SPTBN1: variants seen among roughly 807,000 people sequenced by gnomAD.
The protein encoded by SPTBN1 is spectrin beta chain, non-erythrocytic 1.
Under a neutral mutation model 266.4 loss-of-function variants are expected in SPTBN1, and 32 were observed. The ratio of observed to expected loss-of-function variants is 0.12; its 90% confidence interval spans 0.09 to 0.16. The LOEUF (loss-of-function observed/expected upper bound fraction) is 0.16. SPTBN1 is among the 10% of genes least tolerant of loss of function. The pLI, the probability that SPTBN1 is intolerant of heterozygous loss-of-function variation, is 1.00. For missense variants in SPTBN1, 2,296 were observed against 3,067.1 expected (o/e 0.75, Z 5.94); for synonymous variants, 1,336 against 1,162.2 (o/e 1.15, Z -3.04).
intron 2 of SPTBN1, among the ~76,000 whole-genome samples, chr2:54,534,167 C>T (rs1243174998): frequency 1.3e-5 from 2 of 152,308 alleles, no homozygotes; most frequent in East Asian, 1.9e-4. Flanking sequence ...CGCCTGGACT[C>T]ATTGTCTAAA....
intron 24 of SPTBN1, 47 bp downstream of exon 24, chr2:54,647,308 A>C (rs369395560): frequency 1.9e-6 from 3 of 1,600,302 alleles, no homozygotes; most frequent in Non-Finnish European, 2.6e-6. Context: ...GATTCCTCTC[A>C]GTTAGGGTCT....
intron 30 of SPTBN1, among the ~76,000 whole-genome samples, chr2:54,658,881 G>A (rs1159375889): frequency 6.6e-6 from 1 of 152,172 alleles, no homozygotes; most frequent in Admixed American, 6.5e-5. Flanking sequence ...GAGTTGCATA[G>A]TTACTTTAGA....
intron 1 of SPTBN1, among the ~76,000 whole-genome samples, chr2:54,495,160 T>C (rs925434556): frequency 4.0e-5 from 6 of 151,816 alleles, no homozygotes; most frequent in African/African-American, 1.2e-4. Context: ...CTGAGAATCA[T>C]AGGAGGTTGC....
chr2:54,497,680 C>G (rs964593482), intron 1 of SPTBN1, among the ~76,000 whole-genome samples: 2 of 152,122 alleles, frequency 1.3e-5, no homozygotes, highest in African/African-American at 4.8e-5. Flanking sequence ...GTCCTCCAAG[C>G]CATAGAATTT....
rs1670520974 is a variant in SPTBN1, at chr2:54,522,658, A to AGAGG, written c.-47-3714_-47-3713insGAGG. On this transcript the variant is annotated intron_variant, in intron 1 of 35. Coordinates refer to ENST00000356805, the MANE Select transcript of SPTBN1 (RefSeq NM_003128.3). ...AAAGAAAGAAAGAAAGAGAGAGAGA[A>AGAGG]AGAGAGAGAGAGAGAGAGAGGAGAG... 4.9e-5 allele frequency among the ~76,000 whole-genome samples: 4 copies of AGAGG among 81,852 alleles called. No homozygotes were observed. In the South Asian group the frequency reaches 1.7e-3, roughly 35 times the overall value. 53.7% of individuals were successfully genotyped at this position (81,852 alleles called of 152,430 possible).
chr2:54,638,069 T>C (rs1679272707), intron 18 of SPTBN1, among the ~76,000 whole-genome samples: 1 of 152,246 alleles, frequency 6.6e-6, no homozygotes, highest in South Asian at 2.1e-4. Flanking sequence ...ACAATGTCTT[T>C]ATGGTTGGTT....
chr2:54,620,924 G>C (rs1370582231), intron 7 of SPTBN1, among the ~76,000 whole-genome samples: 1 of 152,180 alleles, frequency 6.6e-6, no homozygotes, highest in African/African-American at 2.4e-5. Flanking sequence ...GGGAAAGCTG[G>C]TGGAGGGAGC....
intron 2 of SPTBN1, among the ~76,000 whole-genome samples, chr2:54,551,519 A>G (rs1672564145): frequency 6.6e-6 from 1 of 152,246 alleles, no homozygotes; most frequent in Non-Finnish European, 1.5e-5. Context: ...AGAAGATTCA[A>G]TAAACTACAT....
chr2:54,654,593 C>T (rs1454292475), intron 27 of SPTBN1, among the ~76,000 whole-genome samples: 1 of 152,080 alleles, frequency 6.6e-6, no homozygotes, highest in Non-Finnish European at 1.5e-5. Context: ...TAGGCTAGTT[C>T]CCATCCTGTG....
Position 54,652,455 on chromosome 2 carries a change from G to A in SPTBN1, c.5578-1154G>A, listed in dbSNP as rs191430764. Reference sequence around the variant, plus strand: ...CATGGCTGCACAGGAGTCTCCTGCTGGATGCACCATCATTAATTTAACCAG... The same window carrying A: ...CATGGCTGCACAGGAGTCTCCTGCTAGATGCACCATCATTAATTTAACCAG... On this transcript the variant is annotated intron_variant, in intron 26 of 35. Transcript: ENST00000356805. The A allele has an allele frequency of 4.6e-5, 7 of 152,210 alleles. No individual in the cohort carries two copies. In the East Asian group the frequency reaches 1.4e-3, roughly 29 times the overall value. The allele number at this position is 152,210 out of a possible 1,614,324, so 9.4% of individuals were successfully genotyped here.
intron 16 of SPTBN1, among the ~76,000 whole-genome samples, chr2:54,631,921 T>C (rs1474589193): frequency 1.3e-5 from 2 of 151,994 alleles, no homozygotes; most frequent in Non-Finnish European, 2.9e-5. Context: ...ATTTAAAAGA[T>C]ACAGTGAGGG....
intron 1 of SPTBN1, among the ~76,000 whole-genome samples, chr2:54,480,638 A>T (rs1668047039): frequency 6.6e-6 from 1 of 152,154 alleles, no homozygotes; most frequent in South Asian, 2.1e-4. Flanking sequence ...GTATTGTGTT[A>T]ATTTTTTAAA....
chr2:54,551,366 G>A (rs895070594), intron 2 of SPTBN1, among the ~76,000 whole-genome samples: 8 of 152,262 alleles, frequency 5.3e-5, no homozygotes, highest in African/African-American at 1.9e-4. Context: ...GGCTCTGGCT[G>A]CTGTTACATT....
intron 3 of SPTBN1, among the ~76,000 whole-genome samples, chr2:54,608,682 G>A (rs1379637545): frequency 6.6e-6 from 1 of 151,744 alleles, no homozygotes; most frequent in African/African-American, 2.4e-5. Flanking sequence ...TTTTGTGTGC[G>A]TGTGTGTGCA....
At chr2:54,487,475 T>G (rs907376100) in intron 1 of SPTBN1, among the ~76,000 whole-genome samples, 1 of 152,212 alleles carries the variant, frequency 6.6e-6, no homozygotes, top group African/African-American at 2.4e-5. Context: ...TTTGCATATT[T>G]GCACAACTTA....
intron 7 of SPTBN1, 76 bp from the exon 8 acceptor site, chr2:54,621,324 G>A (rs1045731887): frequency 2.3e-5 from 24 of 1,026,286 alleles, no homozygotes; most frequent in African/African-American, 2.1e-4. Context: ...ACCAGCAGTC[G>A]TTGCATTTGT....
At chr2:54,522,033 A>G (rs1213974413) in intron 1 of SPTBN1, among the ~76,000 whole-genome samples, 3 of 150,802 alleles carry the variant, frequency 2.0e-5, no homozygotes, top group Non-Finnish European at 4.4e-5. Context: ...AAGTAGCTGG[A>G]ACCACAGGCG....
Position 54,558,937 on chromosome 2 carries a change from C to A in SPTBN1, c.148+32371C>A, listed in dbSNP as rs1023404855. 8 of 1,585,936 alleles carry A rather than the reference C, an allele frequency of 5.0e-6. No individual in the cohort carries two copies. Among genetic ancestry groups the A allele is most frequent in the Non-Finnish European group, 5.2e-6 (6 of 1,163,442 alleles). Reference sequence around the variant, plus strand: ...CCTGTCCTGGGTGCCAACGGGGGTTCTTGGAGGCTTTATTTGTGACCCTAA... The same window carrying A: ...CCTGTCCTGGGTGCCAACGGGGGTTATTGGAGGCTTTATTTGTGACCCTAA... On this transcript the variant is annotated intron_variant, in intron 2 of 35. Transcript: ENST00000356805. This position sits in a 1 kb window ranked among gnomAD's most constrained non-coding sequence, Gnocchi z 4.6.
chr2:54,566,147 A>G lies in SPTBN1; in HGVS notation c.149-32945A>G, dbSNP rs77511364. On this transcript the variant is annotated intron_variant, in intron 2 of 35. Coordinates refer to ENST00000356805, the MANE Select transcript of SPTBN1 (RefSeq NM_003128.3). Reference sequence around the variant, plus strand: ...CTATGAAAAACAAATGAAAGGGGGAAATAAAGGATAAGGGCATTGTAAGCA... The same window carrying G: ...CTATGAAAAACAAATGAAAGGGGGAGATAAAGGATAAGGGCATTGTAAGCA... Among the ~76,000 whole-genome samples the G allele has an allele frequency of 3.9e-3, 592 of 152,156 alleles. 1 individual carries two copies. The highest frequency in any genetic ancestry group is 4.5e-3 in the Non-Finnish European group (307 of 68,020).
Sources: allele counts gnomAD v4.1 joint callset (sites outside exome capture counted in the v4.1 genomes callset), GRCh38; gene constraint gnomAD v4.1.1; non-coding constraint Gnocchi (gnomAD v3.1); transcripts MANE v1.5; gene names NCBI Gene and HGNC (gene_info 2026-07-23, HGNC 2026-07-21).